The following AUTS2 variants were observed in gnomAD, a reference collection of about 807,000 sequenced individuals.
The protein encoded by AUTS2 is activator of transcription and developmental regulator AUTS2.
A neutral mutation model predicts 112.4 loss-of-function variants in AUTS2; 17 were observed. The observed-to-expected ratio is 0.15, with a 90% CI of 0.10 to 0.23. The LOEUF (loss-of-function observed/expected upper bound fraction) is 0.23, where lower values mean the gene tolerates loss of function less well. Among genes scored for constraint, AUTS2 ranks in the 10% least tolerant of loss-of-function variants. The pLI, the probability that AUTS2 is intolerant of heterozygous loss-of-function variation, is 1.00. For synonymous variants in AUTS2, 751 were observed against 702.7 expected (o/e 1.07, Z -1.09); for missense variants, 1,510 against 1,701.6 (o/e 0.89, Z 1.98).
chr7:69,919,645 G>A (rs1795729590), intron 2 of AUTS2, among the ~76,000 whole-genome samples: 1 of 152,132 alleles, frequency 6.6e-6, no homozygotes, highest in Admixed American at 6.5e-5. Context: ...CCTTAACCAA[G>A]TTATTGCTGC....
chr7:70,724,773 G>A (rs573741248), intron 6 of AUTS2, among the ~76,000 whole-genome samples: 1 of 152,312 alleles, frequency 6.6e-6, no homozygotes, highest in African/African-American at 2.4e-5. Context: ...TGTGTAAGGT[G>A]CTAAGGTGGT....
intron 4 of AUTS2, among the ~76,000 whole-genome samples, chr7:70,214,169 C>T (rs1042518423): frequency 1.3e-5 from 2 of 152,166 alleles, no homozygotes; most frequent in Non-Finnish European, 2.9e-5. Flanking sequence ...GTTTCAAACT[C>T]TGTGCTCCAA....
chr7:70,780,446 G>A (rs912257471), intron 14 of AUTS2, among the ~76,000 whole-genome samples: 1 of 150,256 alleles, frequency 6.7e-6, no homozygotes, highest in Non-Finnish European at 1.5e-5. Context: ...AGACAGCCTC[G>A]GTCACAGCAA....
intron 1 of AUTS2, among the ~76,000 whole-genome samples, chr7:69,622,150 C>T (rs1303358270): frequency 6.6e-6 from 1 of 151,936 alleles, no homozygotes; most frequent in Non-Finnish European, 1.5e-5. Context: ...TTTGTTGTTA[C>T]CTGTTTCCTT....
chr7:70,186,886 T>C (rs1184016932), intron 4 of AUTS2, among the ~76,000 whole-genome samples: 2 of 152,234 alleles, frequency 1.3e-5, no homozygotes, highest in African/African-American at 4.8e-5. Context: ...GTAATTTTAA[T>C]TATTTAGCAC....
At chr7:70,141,753 A>G (rs986934547) in intron 4 of AUTS2, among the ~76,000 whole-genome samples, 14 of 152,056 alleles carry the variant, frequency 9.2e-5, no homozygotes, top group Non-Finnish European at 2.1e-4. Context: ...TTTTTTGGTC[A>G]TGTTTTTGAT....
chr7:70,498,157 C>T lies in AUTS2; in HGVS notation c.690+62376C>T, dbSNP rs35674634. Among the ~76,000 whole-genome samples the T allele has an allele frequency of 5.9e-5, 9 of 152,284 alleles. 1 individual carries two copies. The South Asian group carries it at 1.0e-3, about 18-fold the overall frequency. The stretch of plus-strand genomic sequence containing the variant: ...CTAAGGGAGCAAGTTTTGAGGATGT[C>T]TGGGGAAGAGAAGTCCAGGCCAACA... On this transcript the variant is annotated intron_variant, in intron 5 of 18. Coordinates refer to ENST00000342771, the MANE Select transcript of AUTS2 (RefSeq NM_015570.4).
chr7:70,737,667 A>G (rs1787851109), intron 6 of AUTS2, among the ~76,000 whole-genome samples: 1 of 152,172 alleles, frequency 6.6e-6, no homozygotes, highest in Admixed American at 6.6e-5. Context: ...GTGGACTGAC[A>G]TGCATTTTTC....
intron 5 of AUTS2, among the ~76,000 whole-genome samples, chr7:70,475,932 G>A (rs1797565707): frequency 6.6e-6 from 1 of 152,146 alleles, no homozygotes; most frequent in Non-Finnish European, 1.5e-5. Flanking sequence ...CAGAGGCTCA[G>A]GTGGGAAGAC....
rs1377607569 is a variant in AUTS2, at chr7:70,617,140, A to T, written c.691-81429A>T. Reference sequence around the variant, plus strand: ...AGTGGGGTAAGGGCCATTGTCTTCAAGACTTTCTTGGCCTTTCCCTCATGA... The same window carrying T: ...AGTGGGGTAAGGGCCATTGTCTTCATGACTTTCTTGGCCTTTCCCTCATGA... On this transcript the variant is annotated intron_variant, in intron 5 of 18. Transcript: ENST00000342771. Among the ~76,000 whole-genome samples the T allele has an allele frequency of 3.9e-5, 6 of 152,180 alleles. No homozygotes were observed. In the East Asian group the frequency reaches 1.2e-3, roughly 29 times the overall value.
At chr7:69,995,227 CGTTCT>C (rs1798895321) in intron 2 of AUTS2, among the ~76,000 whole-genome samples, 1 of 152,116 alleles carries the variant, frequency 6.6e-6, no homozygotes. Flanking sequence ...TATATATCCT[CGTTCT>C]TGTTACTCTC....
chr7:69,865,616 G>A (rs1008429422), intron 1 of AUTS2, among the ~76,000 whole-genome samples: 2 of 152,084 alleles, frequency 1.3e-5, no homozygotes, highest in African/African-American at 2.4e-5. Flanking sequence ...TTCTTTCTGC[G>A]ACATCACATT....
intron 1 of AUTS2, among the ~76,000 whole-genome samples, chr7:69,657,641 ATT>A (rs547342759): frequency 6.6e-6 from 1 of 150,440 alleles, no homozygotes; most frequent in South Asian, 2.1e-4. Context: ...GTGGTGAAGG[ATT>A]TTTTTTTTAA....
chr7:70,075,042 T>C (rs894805526), intron 2 of AUTS2, among the ~76,000 whole-genome samples: 2 of 152,222 alleles, frequency 1.3e-5, no homozygotes, highest in Admixed American at 1.3e-4. Context: ...CTACCTTGGA[T>C]GCCTTGAAGT....
At position 70,245,171 on chromosome 7, in the gene AUTS2, A is replaced by ATATATATAT. The variant is rs61292882; in HGVS notation, c.660+110600_660+110601insTATATATAT. Among the ~76,000 whole-genome samples, 299 of 129,512 alleles carry ATATATATAT rather than the reference A, an allele frequency of 2.3e-3. 2 individuals carry two copies. Among genetic ancestry groups the ATATATATAT allele is most frequent in the African/African-American group, 9.0e-3 (275 of 30,506 alleles). The allele number at this position is 129,512 out of a possible 152,430, so 85.0% of individuals were successfully genotyped here. On this transcript the variant is annotated intron_variant, in intron 4 of 18. Coordinates refer to ENST00000342771, the MANE Select transcript of AUTS2 (RefSeq NM_015570.4). ...ATATATATATATATATATATATATA[A>ATATATATAT]AAAATAAAAAATAAACAAAAATTAA...
At chr7:70,455,522 A>G (rs938030754) in intron 5 of AUTS2, among the ~76,000 whole-genome samples, 3 of 152,186 alleles carry the variant, frequency 2.0e-5, no homozygotes, top group African/African-American at 7.2e-5. Flanking sequence ...GGGACTTCCC[A>G]GCAGCTGAGC....
intron 3 of AUTS2, among the ~76,000 whole-genome samples, chr7:70,121,964 T>C (rs9638268): frequency 0.34 from 52,182 of 152,070 alleles, 9,200 homozygotes; most frequent in African/African-American, 0.4. Flanking sequence ...ATAAACAAAA[T>C]GTGACAGCTT....
chr7:70,418,038 C>G (rs953902655), intron 4 of AUTS2, among the ~76,000 whole-genome samples: 2 of 151,488 alleles, frequency 1.3e-5, no homozygotes, highest in African/African-American at 4.9e-5. Context: ...CACTTGTGAT[C>G]TTTGGGATCT....
chr7:69,867,681 T>A (rs1345652249), intron 1 of AUTS2, among the ~76,000 whole-genome samples: 2 of 152,194 alleles, frequency 1.3e-5, no homozygotes, highest in Non-Finnish European at 2.9e-5. Flanking sequence ...TTTCCTTATT[T>A]TTGTTCATCT....
Sources: allele counts gnomAD v4.1 joint callset (sites outside exome capture counted in the v4.1 genomes callset), GRCh38; gene constraint gnomAD v4.1.1; transcripts MANE v1.5; gene names NCBI Gene and HGNC (gene_info 2026-07-23, HGNC 2026-07-21).